Variants in FAM53B observed in about 807,000 individuals in gnomAD.
FAM53B encodes the protein protein FAM53B.
In FAM53B, 12 loss-of-function variants were observed where a neutral mutation model predicts 32.7. The observed-to-expected ratio is 0.37, with a 90% CI of 0.24 to 0.59. FAM53B has a LOEUF of 0.59. FAM53B is among the 20% of genes least tolerant of loss of function. The probability of loss-of-function intolerance (pLI) is 0.72; values close to 1 mark genes in which losing one functional copy is unlikely to be tolerated. For synonymous variants in FAM53B, 234 were observed against 228.7 expected (o/e 1.02, Z -0.21); for missense variants, 477 against 577.7 (o/e 0.83, Z 1.79).
chr10:124,681,945 A>G lies in FAM53B; in HGVS notation c.568T>C (p.Phe190Leu). 3 of 1,613,964 alleles carry G rather than the reference A, an allele frequency of 1.9e-6. No homozygotes were observed. The highest frequency in any genetic ancestry group is 2.5e-6 in the Non-Finnish European group (3 of 1,179,980). ...ACCCCTTGGCAGGGCTGCCCTCCAA[A>G]TCGGTGGTGGAGTCCTGCCTGGTCG... The part of the protein sequence containing the change: ...PCDQAGLHHR[F>L]GGQPCQGVPG... Residue 190 changes from phenylalanine (F) to leucine (L), a missense_variant, in exon 4 of 5, where the codon TTT (phenylalanine) becomes CTT (leucine). Phe to Leu is a conservative substitution (Grantham distance 22). This residue lies in a region of FAM53B where 312 missense variants were observed against 420.2 expected (regional missense o/e 0.74). Coordinates refer to ENST00000337318, the MANE Select transcript of FAM53B (RefSeq NM_014661.4).
chr10:124,675,079 G>A (rs548110407), intron 4 of FAM53B, among the ~76,000 whole-genome samples: 1 of 152,230 alleles, frequency 6.6e-6, no homozygotes, highest in Admixed American at 6.5e-5. Context: ...CTCTTCCCCA[G>A]GAGATCAAAG....
chr10:124,730,955 C>T (rs1950138648), intron 1 of FAM53B, among the ~76,000 whole-genome samples: 1 of 152,172 alleles, frequency 6.6e-6, no homozygotes, highest in East Asian at 1.9e-4. Flanking sequence ...CAGACATTAC[C>T]TACACAAACG....
At position 124,682,456 on chromosome 10, in the gene FAM53B, A is replaced by G; in HGVS notation, c.134-77T>C. 7.7e-7 allele frequency: 1 copy of G among 1,305,238 alleles called. No individual in the cohort carries two copies. The highest frequency in any genetic ancestry group is 1.0e-6 in the Non-Finnish European group (1 of 955,382). The allele number at this position is 1,305,238 out of a possible 1,614,324, so 80.9% of individuals were successfully genotyped here. On this transcript the variant is annotated intron_variant, in intron 3 of 4. Transcript: ENST00000337318. This position sits in a 1 kb window ranked among gnomAD's most constrained non-coding sequence, Gnocchi z 5.2. ...AGCCCTTTATTATCTCCACACCAAC[A>G]GCCCGTTTCAAACACAGTATCTTAG... is the stretch of plus-strand genomic sequence containing the variant.
intron 4 of FAM53B, among the ~76,000 whole-genome samples, chr10:124,660,337 C>A (rs575872112): frequency 2.6e-5 from 4 of 152,346 alleles, no homozygotes; most frequent in Non-Finnish European, 5.9e-5. Context: ...GAAAAGACAT[C>A]TCACTGGGAC....
rs371151176 is a variant in FAM53B, at chr10:124,682,057, G to C, written c.456C>G (p.Val152=). 7 of 1,613,844 alleles carry C rather than the reference G, an allele frequency of 4.3e-6. No individual in the cohort carries two copies. The highest frequency in any genetic ancestry group is 5.9e-6 in the Non-Finnish European group (7 of 1,179,902). Reference sequence around the variant, plus strand: ...TGCTGAAGCCGTTGGAATAGCGCTGGACGCTGCCCCCGCTGTAGCAGCGTC... The same window carrying C: ...TGCTGAAGCCGTTGGAATAGCGCTGCACGCTGCCCCCGCTGTAGCAGCGTC... The part of the protein sequence containing the change: ...EKRRCYSGGS[V]QRYSNGFSTM... The change falls in exon 4 of 5, where the codon GTC becomes GTG. Residue 152 remains valine, a synonymous_variant. Transcript: ENST00000337318. The surrounding 1 kb of genome is among the most constrained non-coding windows in gnomAD (Gnocchi z 5.2).
At chr10:124,655,472 A>G (rs534482117) in intron 4 of FAM53B, among the ~76,000 whole-genome samples, 1 of 151,590 alleles carries the variant, frequency 6.6e-6, no homozygotes, top group Non-Finnish European at 1.5e-5. Flanking sequence ...GCTTCTCAGG[A>G]CGATACCAGC....
intron 1 of FAM53B, among the ~76,000 whole-genome samples, chr10:124,715,529 CA>C (rs1950033984): frequency 6.6e-6 from 1 of 152,206 alleles, no homozygotes; most frequent in African/African-American, 2.4e-5. Context: ...GTCCTTCTCT[CA>C]AAGTTCATTT....
intron 1 of FAM53B, among the ~76,000 whole-genome samples, chr10:124,743,228 T>G (rs1950210184): frequency 6.6e-6 from 1 of 152,186 alleles, no homozygotes; most frequent in Non-Finnish European, 1.5e-5. Context: ...GGTGTCCTCG[T>G]TTCTTTCGTC....
chr10:124,736,247 C>A (rs1487143180), intron 1 of FAM53B, among the ~76,000 whole-genome samples: 3 of 152,238 alleles, frequency 2.0e-5, no homozygotes, highest in African/African-American at 7.2e-5. Flanking sequence ...TTAGGTCCAG[C>A]AAGTAGGCAG....
intron 4 of FAM53B, among the ~76,000 whole-genome samples, chr10:124,642,960 A>G (rs1280192996): frequency 6.6e-6 from 1 of 152,232 alleles, no homozygotes; most frequent in African/African-American, 2.4e-5. Flanking sequence ...TGTTTTCATG[A>G]AAGCAAGAAA....
intron 4 of FAM53B, among the ~76,000 whole-genome samples, chr10:124,633,773 T>G (rs903664681): frequency 6.6e-6 from 1 of 151,948 alleles, no homozygotes; most frequent in African/African-American, 2.4e-5. Flanking sequence ...TCACACCACA[T>G]ACAAGATAAA....
intron 4 of FAM53B, among the ~76,000 whole-genome samples, chr10:124,638,303 G>C (rs1360665841): frequency 6.6e-6 from 1 of 152,138 alleles, no homozygotes; most frequent in Non-Finnish European, 1.5e-5. Flanking sequence ...CTGGGAGGCG[G>C]AGCTTGCAGT....
At chr10:124,731,126 A>G (rs1354533320) in intron 1 of FAM53B, among the ~76,000 whole-genome samples, 1 of 152,242 alleles carries the variant, frequency 6.6e-6, no homozygotes, top group Non-Finnish European at 1.5e-5. Context: ...ACAGAACCCT[A>G]TATTCTTCAT....
intron 4 of FAM53B, among the ~76,000 whole-genome samples, chr10:124,642,276 C>T (rs1302938842): frequency 6.6e-6 from 1 of 152,198 alleles, no homozygotes; most frequent in African/African-American, 2.4e-5. Context: ...AACAAAGGCA[C>T]GGGCTCCAGG....
chr10:124,645,426 G>A lies in FAM53B; in HGVS notation c.907-21822C>T, dbSNP rs557248035. The stretch of plus-strand genomic sequence containing the variant: ...TCAGCCCCTGAGACAGGCTCTAGGG[G>A]CCCAAGATGGGCCCACGCCGGCAGC... On this transcript the variant is annotated intron_variant, in intron 4 of 4. Transcript: ENST00000337318. Among the ~76,000 whole-genome samples the A allele has an allele frequency of 2.3e-3, 351 of 152,302 alleles. 3 individuals carry two copies. The highest frequency in any genetic ancestry group is 3.7e-3 in the Non-Finnish European group (252 of 68,014).
chr10:124,645,124 G>A (rs1297747207), intron 4 of FAM53B, among the ~76,000 whole-genome samples: 1 of 152,222 alleles, frequency 6.6e-6, no homozygotes, highest in Non-Finnish European at 1.5e-5. Flanking sequence ...GCCACAAGGA[G>A]CTGGCTGGAG....
intron 4 of FAM53B, among the ~76,000 whole-genome samples, chr10:124,656,588 T>C (rs552799187): frequency 1.2e-4 from 18 of 152,320 alleles, no homozygotes; most frequent in Non-Finnish European, 2.4e-4. Flanking sequence ...CAAATTGTGC[T>C]TGGTGCGGCC....
At chr10:124,701,334 A>T (rs1949913696) in intron 2 of FAM53B, among the ~76,000 whole-genome samples, 1 of 152,264 alleles carries the variant, frequency 6.6e-6, no homozygotes, top group East Asian at 1.9e-4. Context: ...TGACAAGTAC[A>T]GAAGGAAGTG....
chr10:124,694,187 C>T (rs1949853353), intron 3 of FAM53B, among the ~76,000 whole-genome samples: 1 of 152,256 alleles, frequency 6.6e-6, no homozygotes, highest in Non-Finnish European at 1.5e-5. Flanking sequence ...AGACAGGACC[C>T]TGCTGAAGAG....
Sources: allele counts gnomAD v4.1 joint callset (sites outside exome capture counted in the v4.1 genomes callset), GRCh38; gene constraint gnomAD v4.1.1; regional missense constraint gnomAD v4.1.1; non-coding constraint Gnocchi (gnomAD v3.1); transcripts MANE v1.5; gene names NCBI Gene and HGNC (gene_info 2026-07-23, HGNC 2026-07-21).